Variants in TMEM273 observed in about 807,000 individuals in gnomAD.
The protein encoded by TMEM273 is transmembrane protein 273.
TMEM273 carries 19 observed loss-of-function variants against 17.9 expected under a neutral mutation model. That is an observed-to-expected ratio of 1.06 (90% CI 0.74 to 1.55). The LOEUF (loss-of-function observed/expected upper bound fraction) is 1.55, where lower values mean the gene tolerates loss of function less well. Among genes scored for constraint, TMEM273 ranks in the 40% most tolerant of loss-of-function variants. TMEM273 has a pLI of 0.00. For missense variants in TMEM273, 194 were observed against 155.6 expected, an observed-to-expected ratio of 1.25 and a Z score of -1.31; for synonymous variants, 66 against 62.0, an observed-to-expected ratio of 1.07 and a Z score of -0.31.
chr10:49,161,565 C>G, intron 6 of TMEM273, 34 bp downstream of exon 6: 1 of 1,614,092 alleles, frequency 6.2e-7, no homozygotes, highest in East Asian at 2.2e-5. Flanking sequence ...TGCCTGTCCT[C>G]CTTTTAAGAC....
At chr10:49,186,068 G>GGAAGAAGAAGAAGAGGAAGAA (rs1847669102) in intron 1 of TMEM273, among the ~76,000 whole-genome samples, 11 of 67,082 alleles carry the variant, frequency 1.6e-4, no homozygotes, top group African/African-American at 5.6e-4. Context: ...AAGAAGAAGA[G>GGAAGAAGAAGAAGAGGAAGAA]GAAGAAGAAG....
chr10:49,173,268 C>T (rs542361114), intron 1 of TMEM273, among the ~76,000 whole-genome samples: 60 of 152,316 alleles, frequency 3.9e-4, no homozygotes, highest in African/African-American at 1.2e-3. Context: ...TATCTGAGCT[C>T]GGTAACTGTC....
chr10:49,161,084 T>G, intron 6 of TMEM273: 1 of 154,164 alleles, frequency 6.5e-6, no homozygotes, highest in Non-Finnish European at 1.4e-5. Context: ...TTCCTAGGAG[T>G]CTTCATCCAT....
At chr10:49,161,530 C>T in intron 6 of TMEM273, 69 bp downstream of exon 6, 1 of 1,604,874 alleles carries the variant, frequency 6.2e-7, no homozygotes, top group Non-Finnish European at 8.5e-7. Flanking sequence ...TGCCGAAAAC[C>T]CATGCAGCCC....
At chr10:49,157,085 G>C (rs1845556855) in intron 6 of TMEM273, among the ~76,000 whole-genome samples, 1 of 152,190 alleles carries the variant, frequency 6.6e-6, no homozygotes, top group Non-Finnish European at 1.5e-5. Context: ...TGTTGATAAG[G>C]AAGGGATCTA....
chr10:49,182,895 A>T (rs1756856565), intron 1 of TMEM273, among the ~76,000 whole-genome samples: 1 of 152,210 alleles, frequency 6.6e-6, no homozygotes, highest in Non-Finnish European at 1.5e-5. Flanking sequence ...AGTGTTGGCC[A>T]TGCAGTCTTC....
intron 1 of TMEM273, among the ~76,000 whole-genome samples, chr10:49,168,183 C>G (rs1392616521): frequency 2.0e-5 from 3 of 152,154 alleles, no homozygotes; most frequent in Non-Finnish European, 4.4e-5. Flanking sequence ...TTCAGTCAGC[C>G]GTTCAGCACA....
rs1349449263 is a variant in TMEM273, at chr10:49,167,908, C to G, written c.97+1G>C. On this transcript the variant is annotated splice_donor_variant, in intron 2 of 6. Coordinates refer to ENST00000374153, the MANE Select transcript of TMEM273 (RefSeq NM_001288740.3). LOFTEE classifies it high-confidence loss of function. ...ACAGAATAACATGGGCAGCCACGTA[C>G]CAATTTCAGCCCCAGGGGTCTTGCC... 5 of 1,614,090 alleles carry G rather than the reference C, an allele frequency of 3.1e-6. No homozygotes were observed. Among genetic ancestry groups the G allele is most frequent in the Non-Finnish European group, 4.2e-6 (5 of 1,179,996 alleles).
At chr10:49,181,004 C>T (rs1475424468) in intron 1 of TMEM273, among the ~76,000 whole-genome samples, 1 of 152,160 alleles carries the variant, frequency 6.6e-6, no homozygotes, top group Admixed American at 6.5e-5. Flanking sequence ...TGACAGTCAA[C>T]ATAGAAAATC....
intron 1 of TMEM273, among the ~76,000 whole-genome samples, chr10:49,179,078 C>T (rs533738024): frequency 3.3e-5 from 5 of 152,286 alleles, no homozygotes; most frequent in African/African-American, 1.2e-4. Flanking sequence ...CTGCTTCACT[C>T]AGACAAGCAG....
At chr10:49,161,438 T>C in intron 6 of TMEM273, 161 bp downstream of exon 6, 2 of 791,142 alleles carry the variant, frequency 2.5e-6, no homozygotes. Flanking sequence ...TGCTGATTCC[T>C]GGTCTCACAG....
chr10:49,178,341 T>C, intron 1 of TMEM273: 1 of 456,404 alleles, frequency 2.2e-6, no homozygotes, highest in South Asian at 1.5e-5. Context: ...GGGCAATAAT[T>C]GACTCAAACA....
intron 6 of TMEM273, chr10:49,160,825 G>A (rs1384808728): frequency 6.6e-6 from 1 of 152,158 alleles, no homozygotes; most frequent in African/African-American, 2.4e-5. Context: ...GTGACCCTAG[G>A]TGAAGGGTGT....
intron 1 of TMEM273, among the ~76,000 whole-genome samples, chr10:49,181,206 A>T (rs369023012): frequency 1.3e-5 from 2 of 152,216 alleles, no homozygotes; most frequent in East Asian, 3.9e-4. Flanking sequence ...TTGAAGAAAA[A>T]AATCCAGAAG....
chr10:49,187,941 A>G (rs184403336), intron 1 of TMEM273, among the ~76,000 whole-genome samples: 2 of 152,316 alleles, frequency 1.3e-5, no homozygotes, highest in Non-Finnish European at 2.9e-5. Flanking sequence ...CCCAAAAAGT[A>G]AACATGATTA....
At chr10:49,181,570 T>A (rs1368684411) in intron 1 of TMEM273, among the ~76,000 whole-genome samples, 1 of 152,180 alleles carries the variant, frequency 6.6e-6, no homozygotes, top group Non-Finnish European at 1.5e-5. Context: ...TATGACCAAC[T>A]GATTTTTGAC....
intron 6 of TMEM273, 126 bp from the exon 7 acceptor site, chr10:49,156,035 G>A: frequency 6.3e-7 from 1 of 1,576,554 alleles, no homozygotes; most frequent in Non-Finnish European, 8.6e-7. Flanking sequence ...CCTGCAAGGT[G>A]GGCCACTTCC....
chr10:49,187,765 A>T (rs1847815643), intron 1 of TMEM273, among the ~76,000 whole-genome samples: 2 of 152,178 alleles, frequency 1.3e-5, no homozygotes, highest in Non-Finnish European at 2.9e-5. Flanking sequence ...CATTAAAGAT[A>T]ATTTTTAAAA....
intron 3 of TMEM273, 162 bp downstream of exon 3, chr10:49,166,707 G>T: frequency 1.0e-6 from 1 of 994,248 alleles, no homozygotes; most frequent in Non-Finnish European, 1.5e-6. Context: ...AGAGGCAAAG[G>T]GTTAGTGAGA....
Sources: gnomAD v4.1 joint callset for allele counts (sites outside exome capture counted in the v4.1 genomes callset) on GRCh38, gnomAD v4.1.1 for gene constraint, MANE v1.5 for transcripts, NCBI Gene and HGNC (gene_info 2026-07-23, HGNC 2026-07-21) for gene names.